The following DPY19L4 variants were observed in gnomAD, a reference collection of about 807,000 sequenced individuals.
DPY19L4 encodes dpy-19 like 4, also known as probable C-mannosyltransferase DPY19L4.
In DPY19L4, 97 loss-of-function variants were observed where a neutral mutation model predicts 102.8. That is an observed-to-expected ratio of 0.94 (90% CI 0.80 to 1.12). The LOEUF (loss-of-function observed/expected upper bound fraction) is 1.12. Among genes scored for constraint, DPY19L4 ranks in the 50% most tolerant of loss-of-function variants. The pLI is 0.00. For synonymous variants in DPY19L4, 252 were observed against 283.1 expected (o/e 0.89, Z 1.10); for missense variants, 815 against 850.4 (o/e 0.96, Z 0.52).
Position 94,764,342 on chromosome 8 carries a change from T to C in DPY19L4, c.871-841T>C, listed in dbSNP as rs1181270859. Reference sequence around the variant, plus strand: ...CTGTAATCCCAGCACTTTGGGAGGCTGAGGCGGGCAGATCACAAGGTGAGG... The same window carrying C: ...CTGTAATCCCAGCACTTTGGGAGGCCGAGGCGGGCAGATCACAAGGTGAGG... On this transcript the variant is annotated intron_variant, in intron 8 of 18. Transcript: ENST00000414645. Among the ~76,000 whole-genome samples the C allele has an allele frequency of 2.6e-5, 4 of 151,954 alleles. No individual in the cohort carries two copies. In the East Asian group the frequency reaches 5.8e-4, roughly 22 times the overall value.
intron 2 of DPY19L4, 80 bp downstream of exon 2, chr8:94,726,521 A>T: frequency 8.5e-7 from 1 of 1,177,924 alleles, no homozygotes; most frequent in Non-Finnish European, 1.2e-6. Flanking sequence ...AATATTTTAA[A>T]TATACATATT....
intron 14 of DPY19L4, 45 bp downstream of exon 14, chr8:94,777,831 C>A (rs1436700342): frequency 2.6e-6 from 4 of 1,565,020 alleles, no homozygotes; most frequent in Non-Finnish European, 3.5e-6. Context: ...TATATAAAAT[C>A]AAATGCTAAT....
rs540510176 is a variant in DPY19L4 at position 94,793,776 on chromosome 8, G to A, written c.*3866G>A. The A allele has an allele frequency of 6.6e-6, 1 of 152,228 alleles. No homozygotes were observed. The highest frequency in any genetic ancestry group is 1.5e-5 in the Non-Finnish European group (1 of 67,992). 9.4% of individuals were successfully genotyped at this position (152,228 alleles called of 1,614,324 possible). On this transcript the variant is annotated 3_prime_UTR_variant, in exon 19 of 19. Transcript: ENST00000414645. ...GGAATATATATGACAATTATTTTCTGTACATTAATGTCTAAACATTATACT... is the reference window on the plus strand; with the variant it reads ...GGAATATATATGACAATTATTTTCTATACATTAATGTCTAAACATTATACT...
chr8:94,771,050 G>A (rs1460626308), intron 13 of DPY19L4, among the ~76,000 whole-genome samples: 2 of 151,948 alleles, frequency 1.3e-5, no homozygotes, highest in Non-Finnish European at 2.9e-5. Context: ...AAGTAGCCGG[G>A]ATTACAGGCG....
intron 2 of DPY19L4, among the ~76,000 whole-genome samples, chr8:94,734,083 G>A (rs1390394753): frequency 3.7e-5 from 5 of 134,104 alleles, no homozygotes; most frequent in South Asian, 2.3e-4. Context: ...TTTTTGAGAC[G>A]GAATCTTGCT....
intron 6 of DPY19L4, among the ~76,000 whole-genome samples, chr8:94,742,112 A>AC (rs1334605158): frequency 6.6e-6 from 1 of 152,168 alleles, no homozygotes; most frequent in African/African-American, 2.4e-5. Context: ...TAATCCCAGC[A>AC]CTTTGGGAGG....
Position 94,738,405 on chromosome 8 carries a change from G to C in DPY19L4, c.289G>C (p.Ala97Pro), listed in dbSNP as rs768806336. 4 of 1,556,650 alleles carry C rather than the reference G, an allele frequency of 2.6e-6. No homozygotes were observed. The highest frequency in any genetic ancestry group is 3.5e-6 in the Non-Finnish European group (4 of 1,153,372). Residue 97 changes from alanine (A) to proline (P), a missense_variant, in exon 4 of 19, where the codon GCC (alanine) becomes CCC (proline). Coordinates refer to ENST00000414645, the MANE Select transcript of DPY19L4 (RefSeq NM_181787.3). ...GGAAATCACGTTTCAGGGTGACAGT[G>C]CCATTTATTACTCCTATTATAAAGA... is the stretch of plus-strand genomic sequence containing the variant. ...EREITFQGDSAIYYSYYKDML... is the reference protein window; with the variant it reads ...EREITFQGDSPIYYSYYKDML...
intron 6 of DPY19L4, among the ~76,000 whole-genome samples, chr8:94,742,401 C>A (rs1340450198): frequency 1.3e-5 from 2 of 150,756 alleles, no homozygotes; most frequent in Non-Finnish European, 3.0e-5. Flanking sequence ...TTTTTTTTTA[C>A]TTTCTTTTTG....
chr8:94,774,617 G>A (rs1586407693), intron 13 of DPY19L4, among the ~76,000 whole-genome samples: 2 of 128,338 alleles, frequency 1.6e-5, no homozygotes, highest in African/African-American at 3.0e-5. Flanking sequence ...TCACCTTGTT[G>A]CCCAGGCTAG....
intron 1 of DPY19L4, among the ~76,000 whole-genome samples, chr8:94,722,445 G>A (rs1224052646): frequency 2.0e-5 from 3 of 152,062 alleles, no homozygotes; most frequent in Non-Finnish European, 4.4e-5. Flanking sequence ...ATTTTTGGTT[G>A]TAGAATTACA....
intron 8 of DPY19L4, among the ~76,000 whole-genome samples, chr8:94,763,937 G>A (rs1030079241): frequency 6.6e-6 from 1 of 152,092 alleles, no homozygotes; most frequent in Non-Finnish European, 1.5e-5. Flanking sequence ...GCCTCCCAGC[G>A]TGCTGGGATT....
At position 94,775,240 on chromosome 8, in the gene DPY19L4, C is replaced by T. The variant is rs1233159322; in HGVS notation, c.1455-2426C>T. On this transcript the variant is annotated intron_variant, in intron 13 of 18. Transcript: ENST00000414645. ...CTTGCCGAGGCTGGAGGCGCCATCT[C>T]GACTCACTGTAACCTCCACCTCCCA... Among the ~76,000 whole-genome samples the T allele has an allele frequency of 2.6e-5, 4 of 151,484 alleles. No individual in the cohort carries two copies. In the South Asian group the frequency reaches 8.3e-4, roughly 32 times the overall value.
chr8:94,755,862 A>T (rs1413096251), intron 6 of DPY19L4, among the ~76,000 whole-genome samples, 174 bp from the exon 7 acceptor site: 1 of 151,538 alleles, frequency 6.6e-6, no homozygotes, highest in Non-Finnish European at 1.5e-5. Context: ...TCCAGCCTAG[A>T]CGACAGAGCG....
At chr8:94,760,169 T>C (rs1297685589) in intron 7 of DPY19L4, among the ~76,000 whole-genome samples, 1 of 152,222 alleles carries the variant, frequency 6.6e-6, no homozygotes, top group Non-Finnish European at 1.5e-5. Context: ...CTGTATGCTC[T>C]TAGAGTAGTT....
At chr8:94,735,801 G>GT (rs1811165017) in intron 3 of DPY19L4, among the ~76,000 whole-genome samples, 1 of 152,162 alleles carries the variant, frequency 6.6e-6, no homozygotes, top group Non-Finnish European at 1.5e-5. Context: ...CGAATCTACA[G>GT]TTTAATAAGG....
At chr8:94,756,492 G>A (rs1214842426) in intron 7 of DPY19L4, among the ~76,000 whole-genome samples, 1 of 152,156 alleles carries the variant, frequency 6.6e-6, no homozygotes, top group Admixed American at 6.6e-5. Flanking sequence ...CAATCACCAT[G>A]ATTTAAAGAT....
intron 3 of DPY19L4, 107 bp from the exon 4 acceptor site, chr8:94,738,262 T>C (rs1811276512): frequency 6.3e-6 from 2 of 315,790 alleles, no homozygotes; most frequent in East Asian, 1.1e-4. Context: ...GAGGTTGCAG[T>C]GAGCCGAGAT....
intron 13 of DPY19L4, among the ~76,000 whole-genome samples, chr8:94,776,026 C>CTTTTTTTTTTT (rs1165180641): frequency 7.4e-5 from 6 of 81,522 alleles, no homozygotes; most frequent in African/African-American, 9.9e-5. Flanking sequence ...ATTTTTAAAT[C>CTTTTTTTTTTT]TTTTTTTTTT....
At position 94,761,693 on chromosome 8, in the gene DPY19L4, T is replaced by C. The variant is rs1239692996; in HGVS notation, c.736-7T>C. On this transcript the variant is annotated splice_polypyrimidine_tract_variant and splice_region_variant and intron_variant, in intron 7 of 18. Coordinates refer to ENST00000414645, the MANE Select transcript of DPY19L4 (RefSeq NM_181787.3). The stretch of plus-strand genomic sequence containing the variant: ...GATATTTAGTTTCTTTCATTTGTTT[T>C]CCCTAGAGGTTTTGCTACTTGTTGA... 1.9e-6 allele frequency: 3 copies of C among 1,573,062 alleles called. No individual in the cohort carries two copies. Among genetic ancestry groups the C allele is most frequent in the Non-Finnish European group, 2.6e-6 (3 of 1,164,698 alleles).
Sources: allele counts gnomAD v4.1 joint callset (sites outside exome capture counted in the v4.1 genomes callset), GRCh38; gene constraint gnomAD v4.1.1; transcripts MANE v1.5; gene names NCBI Gene and HGNC (gene_info 2026-07-23, HGNC 2026-07-21).